The following STRBP variants were observed in gnomAD, a reference collection of about 807,000 sequenced individuals.
STRBP encodes spermatid perinuclear RNA-binding protein.
STRBP carries 13 observed loss-of-function variants against 80.1 expected under a neutral mutation model. That is an observed-to-expected ratio of 0.16 (90% confidence interval 0.11 to 0.26). STRBP has a LOEUF of 0.26. Ranked by LOEUF, STRBP falls within the 10% of genes least tolerant of loss-of-function variation. The pLI, the probability that STRBP is intolerant of heterozygous loss-of-function variation, is 1.00. For synonymous variants in STRBP, 284 were observed against 291.2 expected, an observed-to-expected ratio of 0.98 and a Z score of 0.25; for missense variants, 485 against 815.2, an observed-to-expected ratio of 0.59 and a Z score of 4.93.
chr9:123,229,037 G>A (rs191127659), intron 2 of STRBP, among the ~76,000 whole-genome samples: 10 of 152,224 alleles, frequency 6.6e-5, no homozygotes, highest in Admixed American at 1.3e-4. Context: ...GTTATAATAC[G>A]CATGAACCTT....
At chr9:123,183,289 A>C (rs2038564105) in intron 3 of STRBP, among the ~76,000 whole-genome samples, 1 of 151,922 alleles carries the variant, frequency 6.6e-6, no homozygotes, top group Non-Finnish European at 1.5e-5. Flanking sequence ...AAAAAAAATT[A>C]GCTGGGTATG....
rs1287716500 is a variant in STRBP at position 123,136,170 on chromosome 9, A to G, written c.1644T>C (p.Asp548=). ...GACCTGCGCCTCTGAATTTCTGTCC[A>G]TCTACTTCTACCTACAATCAAGAAT... The part of the protein sequence containing the change: ...DKRFVMEVEV[D]GQKFRGAGPN... Residue 548 remains aspartate, a synonymous_variant, in exon 16 of 19, where the codon GAT becomes GAC. Transcript: ENST00000348403. The surrounding 1 kb of genome is among the most constrained non-coding windows in gnomAD (Gnocchi z 4.2). The G allele has an allele frequency of 1.2e-6, 2 of 1,614,072 alleles. No homozygotes were observed. Among genetic ancestry groups the G allele is most frequent in the Non-Finnish European group, 1.7e-6 (2 of 1,180,032 alleles).
At chr9:123,239,516 C>A (rs2040648072) in intron 1 of STRBP, among the ~76,000 whole-genome samples, 1 of 152,196 alleles carries the variant, frequency 6.6e-6, no homozygotes, top group African/African-American at 2.4e-5. Context: ...CTCATTTGTA[C>A]CTGATATCAC....
chr9:123,203,000 T>C (rs1206855159), intron 2 of STRBP, among the ~76,000 whole-genome samples: 1 of 152,194 alleles, frequency 6.6e-6, no homozygotes, highest in Admixed American at 6.5e-5. Context: ...CTTCCCCACC[T>C]GAAAATAAAC....
At chr9:123,162,563 C>T (rs1469625885) in intron 6 of STRBP, among the ~76,000 whole-genome samples, 1 of 152,102 alleles carries the variant, frequency 6.6e-6, no homozygotes, top group African/African-American at 2.4e-5. Flanking sequence ...AGGCATAATG[C>T]CAATAGGAAA....
chr9:123,227,537 A>T (rs973253105), intron 2 of STRBP, among the ~76,000 whole-genome samples: 2 of 147,878 alleles, frequency 1.4e-5, no homozygotes, highest in Non-Finnish European at 3.0e-5. Flanking sequence ...ATGATCTGAC[A>T]TATTTATTGT....
chr9:123,147,916 C>T (rs1461696800), intron 11 of STRBP, 46 bp from the exon 12 acceptor site: 4 of 1,497,748 alleles, frequency 2.7e-6, no homozygotes, highest in Middle Eastern at 1.7e-4. Context: ...AACAACAATC[C>T]CCTTACCGTA....
intron 2 of STRBP, among the ~76,000 whole-genome samples, chr9:123,226,931 G>A (rs1487464510): frequency 6.6e-6 from 1 of 152,198 alleles, no homozygotes; most frequent in Non-Finnish European, 1.5e-5. Flanking sequence ...CATCTGGTGA[G>A]AGCTTTCTTG....
At chr9:123,234,288 A>G (rs967065695) in intron 2 of STRBP, among the ~76,000 whole-genome samples, 2 of 151,880 alleles carry the variant, frequency 1.3e-5, no homozygotes, top group African/African-American at 4.8e-5. Flanking sequence ...TTAAAATTAG[A>G]TAGGCTAATT....
At chr9:123,225,376 C>A (rs1195899209) in intron 2 of STRBP, among the ~76,000 whole-genome samples, 3 of 152,174 alleles carry the variant, frequency 2.0e-5, no homozygotes, top group Non-Finnish European at 2.9e-5. Context: ...CATTTATATT[C>A]TAGTAAGTTC....
intron 13 of STRBP, 90 bp downstream of exon 13, chr9:123,146,765 T>C: frequency 8.7e-7 from 1 of 1,155,170 alleles, no homozygotes; most frequent in Non-Finnish European, 1.2e-6. Context: ...ATTAAAATGT[T>C]TTTAAAAATG....
In STRBP at chr9:123,136,734, C is replaced by T. The variant is rs1431132799; in HGVS notation, c.1498-219G>A. ...TGCAGTCATCTGGCCAGCCTTCCTT[C>T]GAAGCAGTATTCAAGACCAATCAAT... On this transcript the variant is annotated intron_variant, in intron 14 of 18. Coordinates refer to ENST00000348403, the MANE Select transcript of STRBP (RefSeq NM_018387.5). The surrounding 1 kb of genome is among the most constrained non-coding windows in gnomAD (Gnocchi z 4.2). 6.6e-6 allele frequency among the ~76,000 whole-genome samples: 1 copy of T among 152,144 alleles called. No homozygotes were observed. The highest frequency in any genetic ancestry group is 1.9e-4 in the East Asian group (1 of 5,192).
At chr9:123,188,829 A>G (rs2038804415) in intron 2 of STRBP, among the ~76,000 whole-genome samples, 1 of 152,162 alleles carries the variant, frequency 6.6e-6, no homozygotes, top group South Asian at 2.1e-4. Context: ...TTTACTCTCA[A>G]AACAGTAACT....
At chr9:123,191,101 A>T (rs554118293) in intron 2 of STRBP, among the ~76,000 whole-genome samples, 12 of 152,348 alleles carry the variant, frequency 7.9e-5, no homozygotes, top group African/African-American at 2.9e-4. Context: ...ATATAAAAAT[A>T]AGAAAATTTA....
At chr9:123,260,106 G>T (rs1403649957) in intron 1 of STRBP, among the ~76,000 whole-genome samples, 2 of 152,142 alleles carry the variant, frequency 1.3e-5, no homozygotes, top group Non-Finnish European at 2.9e-5. Flanking sequence ...CTGTGGTCAA[G>T]AAATGGTTGT....
At chr9:123,266,296 T>TC (rs780384536) in intron 1 of STRBP, among the ~76,000 whole-genome samples, 48 of 151,892 alleles carry the variant, frequency 3.2e-4, no homozygotes, top group Middle Eastern at 3.4e-3. Flanking sequence ...CCTTACCCCT[T>TC]CCCCCTTCCT....
intron 3 of STRBP, chr9:123,111,425 AAG>A (rs1412851391): frequency 1.3e-4 from 40 of 309,430 alleles, no homozygotes; most frequent in Admixed American, 2.1e-4. Context: ...GGAAAAGAAA[AAG>A]AGTCTGACTC....
At chr9:123,172,061 T>C (rs2038035189) in intron 5 of STRBP, among the ~76,000 whole-genome samples, 1 of 152,226 alleles carries the variant, frequency 6.6e-6, no homozygotes, top group Non-Finnish European at 1.5e-5. Flanking sequence ...ATCTTCTCTG[T>C]CTTCAAAACA....
chr9:123,206,230 C>T (rs2039509082), intron 2 of STRBP, among the ~76,000 whole-genome samples: 1 of 147,934 alleles, frequency 6.8e-6, no homozygotes, highest in African/African-American at 2.6e-5. Flanking sequence ...CCTATGAGAT[C>T]AGTTAAAACT....
Sources: gnomAD v4.1 joint callset for allele counts (sites outside exome capture counted in the v4.1 genomes callset) on GRCh38, gnomAD v4.1.1 for gene constraint, Gnocchi (gnomAD v3.1) non-coding constraint, MANE v1.5 for transcripts, NCBI Gene and HGNC (gene_info 2026-07-23, HGNC 2026-07-21) for gene names.